Variants in ARMC2 observed in about 807,000 individuals in gnomAD.
ARMC2 encodes armadillo repeat-containing protein 2.
A neutral mutation model predicts 90.3 loss-of-function variants in ARMC2; 67 were observed. The ratio of observed to expected loss-of-function variants is 0.74; its 90% CI spans 0.61 to 0.91. ARMC2 has a LOEUF of 0.91. Among genes scored for constraint, ARMC2 ranks in the 40% least tolerant of loss-of-function variants. The pLI, the probability that ARMC2 is intolerant of heterozygous loss-of-function variation, is 0.00. For missense variants in ARMC2, 920 were observed against 1,030.9 expected, an observed-to-expected ratio of 0.89 and a Z score of 1.47; for synonymous variants, 393 against 393.0, an observed-to-expected ratio of 1.00 and a Z score of 0.00.
intron 5 of ARMC2, among the ~76,000 whole-genome samples, chr6:108,881,390 G>A (rs1777569026): frequency 7.1e-6 from 1 of 140,362 alleles, no homozygotes; most frequent in South Asian, 2.3e-4. Context: ...TTGGAACATT[G>A]CATTCATAAG....
intron 10 of ARMC2, among the ~76,000 whole-genome samples, chr6:108,922,005 A>G (rs1774624448): frequency 6.6e-6 from 1 of 152,204 alleles, no homozygotes; most frequent in Non-Finnish European, 1.5e-5. Context: ...ATGAGTCACA[A>G]GCTCCTCTGA....
chr6:108,955,306 G>A (rs1412876875), intron 13 of ARMC2, among the ~76,000 whole-genome samples: 3 of 152,238 alleles, frequency 2.0e-5, no homozygotes, highest in African/African-American at 7.2e-5. Context: ...AAGGGCAGAA[G>A]CTAGGCATAC....
chr6:108,987,498 T>C, the ARMC2 span: 1 of 1,081,218 alleles, frequency 9.2e-7, no homozygotes, highest in South Asian at 1.3e-5. Flanking sequence ...CCTTGTAGAC[T>C]ATATCTGCTG....
the ARMC2 span, among the ~76,000 whole-genome samples, chr6:109,018,022 G>T: frequency 1.7e-3 from 256 of 152,190 alleles, 1 homozygote; most frequent in African/African-American, 4.5e-3. Context: ...ACAATAATAA[G>T]AAGAAGAAAT....
intron 3 of ARMC2, among the ~76,000 whole-genome samples, chr6:108,866,148 G>A (rs1775795064): frequency 6.6e-6 from 1 of 152,036 alleles, no homozygotes; most frequent in Non-Finnish European, 1.5e-5. Context: ...CAGGGTACCT[G>A]CAGAATACAG....
Position 108,964,555 on chromosome 6 carries a change from C to A in ARMC2, c.2285+243C>A, listed in dbSNP as rs573562894. On this transcript the variant is annotated intron_variant, in intron 16 of 17. Coordinates refer to ENST00000392644, the MANE Select transcript of ARMC2 (RefSeq NM_032131.6). ...TTGGGAGGCCGAGGTGGGCAGATCA[C>A]TTGAGGCCAGGAGTTCGAGAGCAGC... is the stretch of plus-strand genomic sequence containing the variant. Among the ~76,000 whole-genome samples the A allele has an allele frequency of 2.0e-5, 3 of 152,288 alleles. No homozygotes were observed. The East Asian group carries it at 5.8e-4, about 29-fold the overall frequency.
the ARMC2 span, among the ~76,000 whole-genome samples, chr6:109,004,391 A>G: frequency 6.6e-6 from 1 of 152,116 alleles, no homozygotes; most frequent in Non-Finnish European, 1.5e-5. Flanking sequence ...AAAGGGCTAA[A>G]TTTTAAAGAA....
At chr6:108,999,002 G>GT in the ARMC2 span, 6 of 302,672 alleles carry the variant, frequency 2.0e-5, no homozygotes, top group African/African-American at 4.4e-5. Flanking sequence ...GACTTAAAAT[G>GT]TAAGAGAATG....
intron 8 of ARMC2, among the ~76,000 whole-genome samples, chr6:108,905,245 A>G (rs931449928): frequency 1.3e-5 from 2 of 152,230 alleles, no homozygotes; most frequent in Non-Finnish European, 2.9e-5. Flanking sequence ...GTTAGTTAAT[A>G]AGAATGCCAC....
At chr6:109,002,652 T>C in the ARMC2 span, among the ~76,000 whole-genome samples, 30 of 152,164 alleles carry the variant, frequency 2.0e-4, no homozygotes, top group Non-Finnish European at 3.8e-4. Flanking sequence ...TCATCAGTGA[T>C]ACAAAATAAG....
chr6:108,986,913 A>T, the ARMC2 span: 4 of 152,514 alleles, frequency 2.6e-5, no homozygotes, highest in African/African-American at 9.6e-5. Flanking sequence ...CCCTGAATTT[A>T]AAAAACTAAT....
the ARMC2 span, among the ~76,000 whole-genome samples, chr6:109,024,999 C>A: frequency 6.6e-6 from 1 of 152,086 alleles, no homozygotes; most frequent in Non-Finnish European, 1.5e-5. Flanking sequence ...TCTAGGGAGA[C>A]AGTGAGCACT....
chr6:108,876,691 A>G, intron 5 of ARMC2, among the ~76,000 whole-genome samples: 1 of 152,130 alleles, frequency 6.6e-6, no homozygotes, highest in African/African-American at 2.4e-5. Context: ...ATGGCCTGGA[A>G]TCTCCTATTA....
At chr6:108,943,864 C>T (rs1776625246) in intron 12 of ARMC2, among the ~76,000 whole-genome samples, 1 of 151,966 alleles carries the variant, frequency 6.6e-6, no homozygotes, top group Admixed American at 6.6e-5. Flanking sequence ...ACAAAAGGAA[C>T]CCTTAAACCT....
At chr6:108,939,129 A>G (rs565490138) in intron 12 of ARMC2, among the ~76,000 whole-genome samples, 26 of 152,320 alleles carry the variant, frequency 1.7e-4, no homozygotes, top group Non-Finnish European at 2.6e-4. Flanking sequence ...TAAAAATCCT[A>G]AAGTTTAAAT....
At chr6:108,895,085 T>A (rs1382170669) in intron 6 of ARMC2, among the ~76,000 whole-genome samples, 1 of 149,910 alleles carries the variant, frequency 6.7e-6, no homozygotes, top group East Asian at 2.0e-4. Context: ...GTCTTAATGG[T>A]TTTATAGAAA....
intron 17 of ARMC2, among the ~76,000 whole-genome samples, chr6:108,966,050 G>C (rs1191878317): frequency 1.3e-5 from 2 of 148,550 alleles, no homozygotes; most frequent in Non-Finnish European, 3.0e-5. Flanking sequence ...CAGTAAGTGA[G>C]TGTTTTTAAT....
chr6:109,002,431 C>T, the ARMC2 span: 9 of 983,802 alleles, frequency 9.1e-6, no homozygotes, highest in African/African-American at 1.6e-5. Context: ...AACAACCAGT[C>T]GAACAGAGAC....
At chr6:108,944,514 G>A (rs1057301857) in intron 12 of ARMC2, among the ~76,000 whole-genome samples, 1 of 152,202 alleles carries the variant, frequency 6.6e-6, no homozygotes, top group Non-Finnish European at 1.5e-5. Flanking sequence ...GACCCTTAGA[G>A]CCGCCTGTCC....
Sources: gnomAD v4.1 joint callset for allele counts (sites outside exome capture counted in the v4.1 genomes callset) on GRCh38, gnomAD v4.1.1 for gene constraint, MANE v1.5 for transcripts, NCBI Gene and HGNC (gene_info 2026-07-23, HGNC 2026-07-21) for gene names.